Variants in DCLK1 observed in about 807,000 individuals in gnomAD.
DCLK1 encodes the protein serine/threonine-protein kinase DCLK1.
In DCLK1, 16 loss-of-function variants were observed where a neutral mutation model predicts 86.2. That is an observed-to-expected ratio of 0.19 (90% CI 0.13 to 0.28). The LOEUF is 0.28. Among genes scored for constraint, DCLK1 ranks in the 10% least tolerant of loss-of-function variants. DCLK1 has a pLI of 1.00. For synonymous variants in DCLK1, 369 were observed against 370.5 expected (o/e 1.00, Z 0.05); for missense variants, 590 against 940.2 (o/e 0.63, Z 4.87).
At chr13:35,893,376 C>G (rs1361826) in intron 4 of DCLK1, among the ~76,000 whole-genome samples, 151,011 of 152,356 alleles carry the variant, frequency 0.99, 74,857 homozygotes, top group East Asian at 1. Flanking sequence ...CCTTAAAGAA[C>G]AAAGGCAAGC....
intron 3 of DCLK1, among the ~76,000 whole-genome samples, chr13:36,049,021 T>C (rs1020764756): frequency 6.6e-6 from 1 of 152,208 alleles, no homozygotes; most frequent in Non-Finnish European, 1.5e-5. Context: ...CCTCATCTTA[T>C]CTCATTCTGT....
intron 2 of DCLK1, among the ~76,000 whole-genome samples, chr13:36,114,191 G>GA (rs775917603): frequency 6.6e-6 from 1 of 152,336 alleles, no homozygotes; most frequent in East Asian, 1.9e-4. Flanking sequence ...TGTTAAAAGA[G>GA]AAAATAAACA....
intron 3 of DCLK1, among the ~76,000 whole-genome samples, chr13:36,096,093 G>A (rs184876137): frequency 6.6e-6 from 1 of 152,270 alleles, no homozygotes; most frequent in East Asian, 1.9e-4. Context: ...TTTCTTTAAT[G>A]TAGCTAACCA....
chr13:35,808,411 T>TC lies in DCLK1; in HGVS notation c.1767-92dup. The TC allele has an allele frequency of 3.9e-6, 4 of 1,034,486 alleles. No homozygotes were observed. The South Asian group carries it at 5.1e-5, about 13-fold the overall frequency. 64.1% of individuals were successfully genotyped at this position (1,034,486 alleles called of 1,614,324 possible). A position where few individuals can be genotyped will look rare whatever the true frequency, so the allele number is the denominator to read the frequency against. ...GTCTTAGGCACTGGAGCCCTTCCTTTCCCCCCATAAATGTGTAAAAATGTG... is the reference window on the plus strand; with the variant it reads ...GTCTTAGGCACTGGAGCCCTTCCTTTCCCCCCCATAAATGTGTAAAAATGTG... On this transcript the variant is annotated intron_variant, in intron 13 of 16. Coordinates refer to ENST00000360631, the MANE Select transcript of DCLK1 (RefSeq NM_001330071.2).
chr13:35,928,303 G>C (rs1006874796), intron 4 of DCLK1, among the ~76,000 whole-genome samples: 1 of 152,068 alleles, frequency 6.6e-6, no homozygotes, highest in Non-Finnish European at 1.5e-5. Context: ...TCAGCACTGC[G>C]GCCTGCCTGC....
chr13:36,004,704 T>C (rs550210122), intron 3 of DCLK1, among the ~76,000 whole-genome samples: 1 of 152,254 alleles, frequency 6.6e-6, no homozygotes, highest in African/African-American at 2.4e-5. Flanking sequence ...GCTTCCCAAG[T>C]AGCTGGGACT....
chr13:35,988,187 G>A (rs1030605961), intron 3 of DCLK1, among the ~76,000 whole-genome samples: 5 of 152,290 alleles, frequency 3.3e-5, no homozygotes, highest in Admixed American at 1.3e-4. Context: ...GGGATGCGTC[G>A]GCCCCCGCCG....
intron 2 of DCLK1, among the ~76,000 whole-genome samples, chr13:36,114,453 AGCT>A (rs1371871667): frequency 1.3e-5 from 2 of 152,250 alleles, no homozygotes; most frequent in African/African-American, 2.4e-5. Flanking sequence ...GGAAAGCAAC[AGCT>A]AAAGGAAGGA....
chr13:36,011,886 T>A (rs9531347), intron 3 of DCLK1, among the ~76,000 whole-genome samples: 13,615 of 141,234 alleles, frequency 0.096, 993 homozygotes, highest in African/African-American at 0.21. Context: ...GTCACTCAGG[T>A]CTTGCTTTAT....
chr13:36,013,890 C>T (rs1424426115), intron 3 of DCLK1, among the ~76,000 whole-genome samples: 3 of 152,206 alleles, frequency 2.0e-5, no homozygotes, highest in African/African-American at 4.8e-5. Context: ...ATTCCGTGGG[C>T]TTAGGACCCT....
At chr13:35,794,716 C>T (rs898232280) in intron 15 of DCLK1, among the ~76,000 whole-genome samples, 1 of 152,252 alleles carries the variant, frequency 6.6e-6, no homozygotes, top group African/African-American at 2.4e-5. Context: ...TCTAACGGGC[C>T]TGTTCCAAGG....
chr13:35,852,751 G>C (rs1870745224), intron 6 of DCLK1, among the ~76,000 whole-genome samples: 2 of 152,186 alleles, frequency 1.3e-5, no homozygotes, highest in African/African-American at 4.8e-5. Context: ...ATTCTGCCAA[G>C]AAAGGGACAT....
intron 3 of DCLK1, among the ~76,000 whole-genome samples, chr13:35,963,069 T>C (rs1878542783): frequency 6.6e-6 from 1 of 152,190 alleles, no homozygotes; most frequent in African/African-American, 2.4e-5. Context: ...GGGCAGGACC[T>C]TGCACTGCAG....
At chr13:35,861,919 G>A (rs1236199939) in intron 5 of DCLK1, among the ~76,000 whole-genome samples, 2 of 150,534 alleles carry the variant, frequency 1.3e-5, no homozygotes, top group African/African-American at 4.9e-5. Flanking sequence ...TGTAGTCCCA[G>A]CTACTCGAAG....
Position 35,959,542 on chromosome 13 carries a change from T to C in DCLK1, c.724-12085A>G, listed in dbSNP as rs148530699. Among the ~76,000 whole-genome samples the C allele has an allele frequency of 5.7e-3, 872 of 152,248 alleles. 6 individuals carry two copies. Among genetic ancestry groups the C allele is most frequent in the African/African-American group, 0.02 (829 of 41,510 alleles). ...TGAGAGAGTGAAATCAGATTTTCAT[T>C]TGAAAGCCCCTGATTTTTAAAAAGT... is the stretch of plus-strand genomic sequence containing the variant. On this transcript the variant is annotated intron_variant, in intron 3 of 16. Coordinates refer to ENST00000360631, the MANE Select transcript of DCLK1 (RefSeq NM_001330071.2).
chr13:35,918,682 C>T (rs1449141251), intron 4 of DCLK1, among the ~76,000 whole-genome samples: 2 of 152,060 alleles, frequency 1.3e-5, no homozygotes, highest in Non-Finnish European at 2.9e-5. Context: ...AGGAAATCGC[C>T]TAGCCTTCCT....
intron 4 of DCLK1, among the ~76,000 whole-genome samples, chr13:35,902,931 CTTT>C (rs1362910478): frequency 1.3e-5 from 2 of 151,830 alleles, no homozygotes; most frequent in Non-Finnish European, 2.9e-5. Flanking sequence ...CAAGAAAATT[CTTT>C]TATCATTCAA....
At chr13:36,015,002 CTT>C (rs1459107576) in intron 3 of DCLK1, among the ~76,000 whole-genome samples, 31 of 24,850 alleles carry the variant, frequency 1.2e-3, no homozygotes, top group Admixed American at 2.0e-3. Flanking sequence ...CTCTCTCTCT[CTT>C]TCTCTCTCTC....
At chr13:35,937,139 T>A (rs1876807943) in intron 4 of DCLK1, among the ~76,000 whole-genome samples, 1 of 150,622 alleles carries the variant, frequency 6.6e-6, no homozygotes, top group Non-Finnish European at 1.5e-5. Context: ...CCGGCTATTT[T>A]TTTTTTTGTA....
Sources: allele counts gnomAD v4.1 joint callset (sites outside exome capture counted in the v4.1 genomes callset), GRCh38; gene constraint gnomAD v4.1.1; transcripts MANE v1.5; gene names NCBI Gene and HGNC (gene_info 2026-07-23, HGNC 2026-07-21).